Variants in CLCNKB observed in about 807,000 individuals in gnomAD.
CLCNKB encodes the protein chloride channel protein ClC-Kb.
A neutral mutation model predicts 83.8 loss-of-function variants in CLCNKB; 74 were observed. That is an observed-to-expected ratio of 0.88 (90% CI 0.73 to 1.07). The LOEUF is 1.07. Ranked by LOEUF, CLCNKB falls within the 50% of genes least tolerant of loss-of-function variation. The pLI is 0.00. For missense variants in CLCNKB, 798 were observed against 893.6 expected, an observed-to-expected ratio of 0.89 and a Z score of 1.36; for synonymous variants, 358 against 356.6, an observed-to-expected ratio of 1.00 and a Z score of -0.04.
chr1:16,049,052 G>A (rs1423745724), intron 7 of CLCNKB, 68 bp from the exon 8 acceptor site: 3 of 1,612,756 alleles, frequency 1.9e-6, no homozygotes, highest in African/African-American at 2.7e-5. Flanking sequence ...AGGTGACATG[G>A]GGAGGGGGTC....
At position 16,050,927 on chromosome 1, in the gene CLCNKB, T is replaced by C. The variant is rs1428385173; in HGVS notation, c.1106T>C (p.Leu369Pro). The part of the protein sequence containing the change: ...DSLFDNHSWA[L>P]MTQNSSPPWP... ...CTGTTCGACAACCACTCCTGGGCGC[T>C]GATGACCCAGAACTCCAGCCCACCC... Residue 369 changes from leucine (L) to proline (P), a missense_variant, in exon 12 of 20, where the codon CTG becomes CCG. By Grantham distance (98) the Leu-to-Pro change is moderately conservative. Coordinates refer to ENST00000375679, the MANE Select transcript of CLCNKB (RefSeq NM_000085.5). 2 of 1,613,118 alleles carry C rather than the reference T, an allele frequency of 1.2e-6. No individual in the cohort carries two copies. The highest frequency in any genetic ancestry group is 3.3e-5 in the Admixed American group (2 of 60,014).
At chr1:16,054,561 T>C (rs1160574044) in intron 16 of CLCNKB, among the ~76,000 whole-genome samples, 2 of 152,170 alleles carry the variant, frequency 1.3e-5, no homozygotes, top group African/African-American at 2.4e-5. Flanking sequence ...CAAGAGAGTA[T>C]AGGATTGCCA....
In CLCNKB at chr1:16,048,548, G is replaced by A; in HGVS notation, c.621G>A (p.Val207=). 3.7e-6 allele frequency: 6 copies of A among 1,613,218 alleles called. No individual in the cohort carries two copies. The highest frequency in any genetic ancestry group is 4.5e-5 in the East Asian group (2 of 44,860). The part of the protein sequence containing the change: ...QNEMLVAAAA[V]GVATVFAAPF... ...AAATGCTGGTGGCAGCGGCGGCAGT[G>A]GGCGTGGCCACAGTCTTTGCAGCTC... Residue 207 remains valine (V), a synonymous_variant, in exon 7 of 20, where the codon GTG becomes GTA. Coordinates refer to ENST00000375679, the MANE Select transcript of CLCNKB (RefSeq NM_000085.5).
rs1178837045 is a variant in CLCNKB at position 16,056,498 on chromosome 1, C to G, written c.2006C>G (p.Ser669Cys). The change falls in exon 19 of 20, where the codon TCC (serine) becomes TGC (cysteine). Residue 669 changes from serine to cysteine, a missense_variant. By Grantham distance (112) the Ser-to-Cys change is moderately radical. Transcript: ENST00000375679. ...CGGGGCAGAGCTGTGGGCTGCGTGT[C>G]CTGGGTGGAGGTACCAGGGTCCCGG... The part of the protein sequence containing the change: ...TSRGRAVGCV[S>C]WVEMKKAISN... 1 of 1,594,460 alleles carries G rather than the reference C, an allele frequency of 6.3e-7. No individual in the cohort carries two copies. The highest frequency in any genetic ancestry group is 1.4e-5 in the African/African-American group (1 of 73,874).
rs7512547 is a variant in CLCNKB, at chr1:16,056,385, T to A, written c.1930-37T>A. 457,083 of 1,603,428 alleles carry A rather than the reference T, an allele frequency of 0.29. 68,686 individuals carry two copies. Among genetic ancestry groups the A allele is most frequent in the Admixed American group, 0.43 (25,780 of 59,956 alleles). On this transcript the variant is annotated intron_variant, in intron 18 of 19. Transcript: ENST00000375679. ...TGGGCTAGAGGGTGGGCTGGGCACCTTCTACCCTCCAGTGTTTCCTAACAT... is the reference window on the plus strand; with the variant it reads ...TGGGCTAGAGGGTGGGCTGGGCACCATCTACCCTCCAGTGTTTCCTAACAT...
At chr1:16,049,377 A>C (rs1410229456) in intron 8 of CLCNKB, 132 bp downstream of exon 8, 6 of 1,524,200 alleles carry the variant, frequency 3.9e-6, no homozygotes, top group Non-Finnish European at 5.3e-6. Flanking sequence ...CCTTGTTCCC[A>C]CCTCCTTCTG....
chr1:16,052,104 C>A (rs2023312382), intron 14 of CLCNKB, 94 bp from the exon 15 acceptor site: 6 of 1,500,938 alleles, frequency 4.0e-6, no homozygotes, highest in Non-Finnish European at 5.5e-6. Context: ...TCTTACAAAT[C>A]ACACCTTAGC....
chr1:16,044,514 C>A lies in CLCNKB; in HGVS notation c.22C>A (p.Arg8Ser). 1 of 1,605,224 alleles carries A rather than the reference C, an allele frequency of 6.2e-7. No individual in the cohort carries two copies. Among genetic ancestry groups the A allele is most frequent in the African/African-American group, 1.3e-5 (1 of 74,988 alleles). MEEFVGL[R>S]EGSSGNPVTL... ...CCTGATGGAGGAGTTTGTGGGGCTGCGTGAAGGCTCCTCAGGGAACCCTGT... is the reference window on the plus strand; with the variant it reads ...CCTGATGGAGGAGTTTGTGGGGCTGAGTGAAGGCTCCTCAGGGAACCCTGT... The change falls in exon 2 of 20, where the codon CGT becomes AGT. Residue 8 changes from arginine to serine, a missense_variant. Coordinates refer to ENST00000375679, the MANE Select transcript of CLCNKB (RefSeq NM_000085.5).
intron 15 of CLCNKB, among the ~76,000 whole-genome samples, chr1:16,052,696 C>G (rs547182686): frequency 1.3e-5 from 2 of 152,154 alleles, no homozygotes; most frequent in Admixed American, 6.5e-5. Context: ...AGAGAGGTGC[C>G]GTGTCTTGCT....
In CLCNKB at chr1:16,048,327, A is replaced by G. The variant is rs775975505; in HGVS notation, c.499-16A>G. 9 of 1,613,216 alleles carry G rather than the reference A, an allele frequency of 5.6e-6. No individual in the cohort carries two copies. In the African/African-American group the frequency reaches 1.2e-4, roughly 22 times the overall value. On this transcript the variant is annotated splice_polypyrimidine_tract_variant and intron_variant, in intron 5 of 19. Coordinates refer to ENST00000375679, the MANE Select transcript of CLCNKB (RefSeq NM_000085.5). ...CTGCCCTCACCTGGGCCCTGGGCCC[A>G]CCCTTCTCTCTGCAGGGCCCTTTCG...
At chr1:16,053,852 A>C in intron 16 of CLCNKB, 80 bp downstream of exon 16, 1 of 1,556,202 alleles carries the variant, frequency 6.4e-7, no homozygotes, top group Non-Finnish European at 8.8e-7. Context: ...GGCAGACAGG[A>C]TCTGCATCCA....
Position 16,048,982 on chromosome 1 carries a change from C to T in CLCNKB, c.656-138C>T, listed in dbSNP as rs766179347. 7.0e-6 allele frequency: 11 copies of T among 1,576,154 alleles called. No individual in the cohort carries two copies. In the South Asian group the frequency reaches 9.1e-5, roughly 13 times the overall value. On this transcript the variant is annotated intron_variant, in intron 7 of 19. Transcript: ENST00000375679. Reference sequence around the variant, plus strand: ...CCCCGCCCAGGGCGCATGCCCTGCCCTCCCCTCCTGTCTGTCCCTGTCCGG... The same window carrying T: ...CCCCGCCCAGGGCGCATGCCCTGCCTTCCCCTCCTGTCTGTCCCTGTCCGG...
At chr1:16,056,286 T>C in intron 18 of CLCNKB, 136 bp from the exon 19 acceptor site, 2 of 930,420 alleles carry the variant, frequency 2.1e-6, no homozygotes, top group South Asian at 2.6e-5. Flanking sequence ...ACATTGGACA[T>C]TGCAGGCCTG....
At chr1:16,045,528 C>T (rs1462793282) in intron 2 of CLCNKB, 30 bp from the exon 3 acceptor site, 1 of 1,610,904 alleles carries the variant, frequency 6.2e-7, no homozygotes, top group Non-Finnish European at 8.5e-7. Context: ...CCTGCCCCAC[C>T]CTGTGCCGTG....
intron 5 of CLCNKB, 81 bp from the exon 6 acceptor site, chr1:16,048,262 T>TGG: frequency 6.4e-7 from 1 of 1,556,658 alleles, no homozygotes. Flanking sequence ...GAGGGGGTGT[T>TGG]GGGGGGAAGC....
chr1:16,056,532 C>A lies in CLCNKB; in HGVS notation c.2016+24C>A, dbSNP rs781741362. The A allele has an allele frequency of 1.4e-5, 18 of 1,274,186 alleles. 1 individual carries two copies. Among genetic ancestry groups the A allele is most frequent in the Middle Eastern group, 4.2e-4 (2 of 4,734 alleles). 78.9% of individuals were successfully genotyped at this position (1,274,186 alleles called of 1,614,324 possible). A position where few individuals can be genotyped will look rare whatever the true frequency, so the allele number is the denominator to read the frequency against. On this transcript the variant is annotated intron_variant, in intron 19 of 19. Transcript: ENST00000375679. ...AGGTACCAGGGTCCCGGGGGCAGAG[C>A]AAAGCAGGGAACCTATGCCTGAGAA...
intron 14 of CLCNKB, 111 bp from the exon 15 acceptor site, chr1:16,052,087 T>C: frequency 1.5e-6 from 2 of 1,377,960 alleles, no homozygotes; most frequent in Non-Finnish European, 2.0e-6. Flanking sequence ...GTGCCCAGGC[T>C]GTGGCCTCTT....
rs574930347 is a variant in CLCNKB, at chr1:16,052,807, G to T, written c.1622+396G>T. 3.9e-5 allele frequency among the ~76,000 whole-genome samples: 6 copies of T among 152,266 alleles called. No individual in the cohort carries two copies. In the East Asian group the frequency reaches 1.2e-3, roughly 29 times the overall value. On this transcript the variant is annotated intron_variant, in intron 15 of 19. Transcript: ENST00000375679. The stretch of plus-strand genomic sequence containing the variant: ...ACTTTGGGAGCAGGAGGTGGAACGA[G>T]AATGGAAATGGGCTTTGAGGTCTTC...
At position 16,053,639 on chromosome 1, in the gene CLCNKB, T is replaced by C. The variant is rs140560320; in HGVS notation, c.1623T>C (p.Gly541=). ...CTGATGGGAGCCCCTCTGCCTGCAG[T>C]TCCCACCGCGTGAGGGTGGAGCACT... The part of the protein sequence containing the change: ...YLPRILGRNI[G]SHRVRVEHFM... Residue 541 remains glycine (G), a splice_region_variant and synonymous_variant, in exon 16 of 20, where the codon GGT becomes GGC. Transcript: ENST00000375679. 750 of 1,613,694 alleles carry C rather than the reference T, an allele frequency of 4.6e-4. 1 individual carries two copies. Among genetic ancestry groups the C allele is most frequent in the East Asian group, 1.7e-3 (76 of 44,872 alleles).
Sources: gnomAD v4.1 joint callset for allele counts (sites outside exome capture counted in the v4.1 genomes callset) on GRCh38, gnomAD v4.1.1 for gene constraint, MANE v1.5 for transcripts, NCBI Gene and HGNC (gene_info 2026-07-23, HGNC 2026-07-21) for gene names.